The following MLF1 variants were observed in gnomAD, a reference collection of about 807,000 sequenced individuals.
The protein encoded by MLF1 is myelodysplasia-myeloid leukemia factor 1.
A neutral mutation model predicts 38.3 loss-of-function variants in MLF1; 37 were observed. The ratio of observed to expected loss-of-function variants is 0.96; its 90% CI spans 0.74 to 1.27. The LOEUF (loss-of-function observed/expected upper bound fraction) is 1.27, where lower values mean the gene tolerates loss of function less well. Among genes scored for constraint, MLF1 ranks in the 50% most tolerant of loss-of-function variants. The pLI is 0.00. For synonymous variants in MLF1, 95 were observed against 106.5 expected, an observed-to-expected ratio of 0.89 and a Z score of 0.66; for missense variants, 331 against 349.2, an observed-to-expected ratio of 0.95 and a Z score of 0.42.
At chr3:158,581,351 T>C (rs1176112371) in intron 1 of MLF1, among the ~76,000 whole-genome samples, 2 of 152,172 alleles carry the variant, frequency 1.3e-5, no homozygotes, top group Non-Finnish European at 2.9e-5. Flanking sequence ...AAAGTAACCA[T>C]TAAATATGCC....
chr3:158,591,452 G>T (rs900922343), intron 1 of MLF1, among the ~76,000 whole-genome samples: 1 of 152,030 alleles, frequency 6.6e-6, no homozygotes, highest in African/African-American at 2.4e-5. Flanking sequence ...GAGGCACCAC[G>T]CCTGGCCAAG....
At chr3:158,581,487 G>A (rs1716351154) in intron 1 of MLF1, among the ~76,000 whole-genome samples, 1 of 152,160 alleles carries the variant, frequency 6.6e-6, no homozygotes, top group African/African-American at 2.4e-5. Context: ...CACTGGAGGG[G>A]AGGACTAAGG....
At chr3:158,574,198 G>T (rs1715017484) in intron 1 of MLF1, among the ~76,000 whole-genome samples, 2 of 151,932 alleles carry the variant, frequency 1.3e-5, no homozygotes, top group African/African-American at 4.8e-5. Flanking sequence ...GAAATGAAAT[G>T]GTTAATATAG....
intron 6 of MLF1, among the ~76,000 whole-genome samples, chr3:158,601,596 A>G (rs1719762426): frequency 1.3e-5 from 2 of 151,146 alleles, no homozygotes; most frequent in Admixed American, 1.3e-4. Flanking sequence ...AAAATAAATA[A>G]AAATACAAAA....
rs1286659605 is a variant in MLF1, at chr3:158,600,072, T to A, written c.512T>A (p.Ile171Asn). 6.8e-7 allele frequency: 1 copy of A among 1,466,054 alleles called. No homozygotes were observed. Among genetic ancestry groups the A allele is most frequent in the Non-Finnish European group, 9.1e-7 (1 of 1,100,528 alleles). 90.8% of individuals were successfully genotyped at this position (1,466,054 alleles called of 1,614,324 possible). A position where few individuals can be genotyped will look rare whatever the true frequency, so the allele number is the denominator to read the frequency against. Reference sequence around the variant, plus strand: ...GACAGTGGACTAGAAAAAATGGCTATTGGTCATCATATCCATGACCGAGCT... The same window carrying A: ...GACAGTGGACTAGAAAAAATGGCTAATGGTCATCATATCCATGACCGAGCT... ...DSDSGLEKMA[I>N]GHHIHDRAHV... Residue 171 changes from isoleucine to asparagine, a missense_variant, in exon 6 of 8, where the codon ATT (isoleucine) becomes AAT (asparagine). Physicochemically the swap from Ile to Asn is moderately radical, Grantham distance 149. Transcript: ENST00000466246.
chr3:158,598,030 ATAATTATT>A, intron 4 of MLF1, 42 bp from the exon 5 acceptor site: 8 of 1,592,050 alleles, frequency 5.0e-6, no homozygotes, highest in Non-Finnish European at 6.9e-6. Flanking sequence ...CTCTCTGGCA[ATAATTATT>A]TATATTTGAC....
intron 1 of MLF1, chr3:158,589,039 A>G (rs1008273371): frequency 5.3e-6 from 2 of 380,650 alleles, no homozygotes; most frequent in African/African-American, 4.2e-5. Flanking sequence ...GACTGCAGGC[A>G]TTGGTTGCAG....
At chr3:158,584,828 A>T (rs767840221) in intron 1 of MLF1, among the ~76,000 whole-genome samples, 1 of 151,954 alleles carries the variant, frequency 6.6e-6, no homozygotes, top group Non-Finnish European at 1.5e-5. Context: ...CACTAATACT[A>T]GTGATAGCTA....
At chr3:158,580,698 G>C (rs1460869793) in intron 1 of MLF1, among the ~76,000 whole-genome samples, 1 of 151,328 alleles carries the variant, frequency 6.6e-6, no homozygotes, top group Non-Finnish European at 1.5e-5. Context: ...GCTCACACCT[G>C]TAATCCCAGC....
At position 158,593,383 on chromosome 3, in the gene MLF1, C is replaced by A; in HGVS notation, c.197C>A (p.Ala66Glu). 6.4e-7 allele frequency: 1 copy of A among 1,551,942 alleles called. No homozygotes were observed. Among genetic ancestry groups the A allele is most frequent in the Non-Finnish European group, 8.7e-7 (1 of 1,154,644 alleles). The change falls in exon 3 of 8, where the codon GCA becomes GAA. Residue 66 changes from alanine to glutamate, a missense_variant and splice_region_variant. Ala to Glu is a moderately radical substitution (Grantham distance 107). Transcript: ENST00000466246. ...GHNDGEDSLT[A>E]TSCSLVPFGD... is the part of the protein sequence containing the mutation. ...ATGAATTGGATATTATTTTTCCAGG[C>A]AACGAGTTGTTCTCTTGTGCCTTTT... is the stretch of plus-strand genomic sequence containing the variant.
chr3:158,598,232 A>G (rs1414552109), intron 5 of MLF1, 24 bp downstream of exon 5: 5 of 1,603,198 alleles, frequency 3.1e-6, no homozygotes, highest in African/African-American at 1.4e-5. Flanking sequence ...AAGCATTCCT[A>G]AAGTTTTATA....
intron 3 of MLF1, among the ~76,000 whole-genome samples, chr3:158,595,118 C>G (rs370597076): frequency 1.3e-5 from 2 of 151,938 alleles, no homozygotes; most frequent in Non-Finnish European, 2.9e-5. Flanking sequence ...CAATAAACAA[C>G]AAAATAATTT....
intron 1 of MLF1, chr3:158,591,169 T>A (rs779605654): frequency 4.2e-6 from 2 of 476,542 alleles, no homozygotes; most frequent in Admixed American, 2.2e-5. Flanking sequence ...CTTTTTTTTT[T>A]TTTTTTTTGA....
intron 1 of MLF1, among the ~76,000 whole-genome samples, chr3:158,573,948 G>A (rs1220436977): frequency 6.6e-6 from 1 of 152,092 alleles, no homozygotes. Flanking sequence ...GGGTCCACAG[G>A]AGGGAGCCAC....
In MLF1 at chr3:158,600,148, C is replaced by A; in HGVS notation, c.588C>A (p.Asn196Lys). ...KNKKTGDEEVNQEFINMNESD... is the reference protein window; with the variant it reads ...KNKKTGDEEVKQEFINMNESD... ...AGAAGACTGGAGATGAAGAGGTCAA[C>A]CAGGAGTTCATCAATATGAATGAAA... Residue 196 changes from asparagine to lysine, a missense_variant, in exon 6 of 8, where the codon AAC (asparagine) becomes AAA (lysine). Coordinates refer to ENST00000466246, the MANE Select transcript of MLF1 (RefSeq NM_001369783.1). The A allele has an allele frequency of 2.8e-6, 4 of 1,453,492 alleles. No homozygotes were observed. Among genetic ancestry groups the A allele is most frequent in the South Asian group, 3.4e-5 (2 of 59,276 alleles). The allele number at this position is 1,453,492 out of a possible 1,614,324, so 90.0% of individuals were successfully genotyped here. A position where few individuals can be genotyped will look rare whatever the true frequency, so the allele number is the denominator to read the frequency against.
rs1720431493 is a variant in MLF1, at chr3:158,605,790, A to G, written c.*588A>G. ...TCAAATAGTTCATTTTCAGAGAAAA[A>G]TATTTTAAATTGCTAATGTACATGA... On this transcript the variant is annotated 3_prime_UTR_variant, in exon 8 of 8. Transcript: ENST00000466246. The G allele has an allele frequency of 1.1e-5, 2 of 180,146 alleles. No individual in the cohort carries two copies. Among genetic ancestry groups the G allele is most frequent in the Non-Finnish European group, 2.4e-5 (2 of 84,308 alleles). 11.2% of individuals were successfully genotyped at this position (180,146 alleles called of 1,614,324 possible).
rs922774129 is a variant in MLF1 at position 158,591,745 on chromosome 3, TA to T, written c.48-677del. Among the ~76,000 whole-genome samples the T allele has an allele frequency of 6.9e-4, 100 of 145,538 alleles. No homozygotes were observed. In the South Asian group the frequency reaches 0.013, roughly 18 times the overall value. On this transcript the variant is annotated intron_variant, in intron 1 of 7. Transcript: ENST00000466246. Reference sequence around the variant, plus strand: ...AAGTTGGGAAACCACTGTGATAAGGTAAAAAAAAAAAATTTAGGTTCTTTAA... The same window carrying T: ...AAGTTGGGAAACCACTGTGATAAGGTAAAAAAAAAAATTTAGGTTCTTTAA...
chr3:158,587,957 T>C (rs2099484), intron 1 of MLF1, among the ~76,000 whole-genome samples: 138,116 of 152,188 alleles, frequency 0.91, 62,935 homozygotes, highest in East Asian at 1. Context: ...GCTGAGATCG[T>C]GCCACTGCAC....
chr3:158,595,450 T>G (rs1404418107), intron 3 of MLF1, among the ~76,000 whole-genome samples: 1 of 152,162 alleles, frequency 6.6e-6, no homozygotes, highest in Non-Finnish European at 1.5e-5. Flanking sequence ...GAACATGAAT[T>G]GAGAAGAGGG....
Sources: gnomAD v4.1 joint callset for allele counts (sites outside exome capture counted in the v4.1 genomes callset) on GRCh38, gnomAD v4.1.1 for gene constraint, MANE v1.5 for transcripts, NCBI Gene and HGNC (gene_info 2026-07-23, HGNC 2026-07-21) for gene names.